Variants in PCDH1 observed in about 807,000 individuals in gnomAD.
PCDH1 encodes protocadherin 1.
A neutral mutation model predicts 74.6 loss-of-function variants in PCDH1; 23 were observed. The ratio of observed to expected loss-of-function variants is 0.31; its 90% confidence interval spans 0.22 to 0.44. PCDH1 has a LOEUF of 0.44. PCDH1 is among the 20% of genes least tolerant of loss of function. PCDH1 has a pLI of 1.00. For synonymous variants in PCDH1, 647 were observed against 686.1 expected, an observed-to-expected ratio of 0.94 and a Z score of 0.89; for missense variants, 1,214 against 1,641.4, an observed-to-expected ratio of 0.74 and a Z score of 4.50.
chr5:141,856,251 G>C, intron 4 of PCDH1: 3 of 1,535,658 alleles, frequency 2.0e-6, no homozygotes, highest in Non-Finnish European at 2.6e-6. Flanking sequence ...GGCCTGCTCC[G>C]GCCAGCCGGC....
At chr5:141,873,293 ATTTTTTT>A (rs548141067) in intron 1 of PCDH1, among the ~76,000 whole-genome samples, 2 of 123,528 alleles carry the variant, frequency 1.6e-5, no homozygotes, top group East Asian at 4.9e-4. Flanking sequence ...GCCCGGCTAA[ATTTTTTT>A]TTTTTTTTTT....
In PCDH1 at chr5:141,878,362, C is replaced by G. The variant is rs1753297089; in HGVS notation, c.-100G>C. 1.1e-6 allele frequency: 1 copy of G among 935,556 alleles called. No individual in the cohort carries two copies. Among genetic ancestry groups the G allele is most frequent in the South Asian group, 5.1e-5 (1 of 19,542 alleles). The allele number at this position is 935,556 out of a possible 1,614,324, so 58.0% of individuals were successfully genotyped here. A position where few individuals can be genotyped will look rare whatever the true frequency, so the allele number is the denominator to read the frequency against. ...CGGCTCCGGCTGGCTCTGGGCGCAGCAGCCCGGCGGCTTTGCGTCCGCGCC... is the reference window on the plus strand; with the variant it reads ...CGGCTCCGGCTGGCTCTGGGCGCAGGAGCCCGGCGGCTTTGCGTCCGCGCC... On this transcript the variant is annotated 5_prime_UTR_variant, in exon 1 of 5. Transcript: ENST00000287008. This position sits in a 1 kb window ranked among gnomAD's most constrained non-coding sequence, Gnocchi z 5.5.
chr5:141,878,097 C>A lies in PCDH1; in HGVS notation c.40+126G>T. 1.2e-6 allele frequency: 1 copy of A among 855,414 alleles called. No homozygotes were observed. Among genetic ancestry groups the A allele is most frequent in the Non-Finnish European group, 1.6e-6 (1 of 619,206 alleles). The allele number at this position is 855,414 out of a possible 1,614,324, so 53.0% of individuals were successfully genotyped here. Reference sequence around the variant, plus strand: ...TCCCAGCAGCCCCCACCTCAGCCCCCTCGCGCCGAGCTCGTGTTGGGCCCC... The same window carrying A: ...TCCCAGCAGCCCCCACCTCAGCCCCATCGCGCCGAGCTCGTGTTGGGCCCC... On this transcript the variant is annotated intron_variant, in intron 1 of 4. Transcript: ENST00000287008. This position sits in a 1 kb window ranked among gnomAD's most constrained non-coding sequence, Gnocchi z 5.5.
In PCDH1 at chr5:141,878,122, C is replaced by A. The variant is rs1753287404; in HGVS notation, c.40+101G>T. On this transcript the variant is annotated intron_variant, in intron 1 of 4. Transcript: ENST00000287008. This position sits in a 1 kb window ranked among gnomAD's most constrained non-coding sequence, Gnocchi z 5.5. ...CTCGCGCCGAGCTCGTGTTGGGCCCCCGCGGCCTCGCTCCGCCGAGCGCCC... is the reference window on the plus strand; with the variant it reads ...CTCGCGCCGAGCTCGTGTTGGGCCCACGCGGCCTCGCTCCGCCGAGCGCCC... 3 of 1,153,594 alleles carry A rather than the reference C, an allele frequency of 2.6e-6. No individual in the cohort carries two copies. The East Asian group carries it at 1.0e-4, about 39-fold the overall frequency. 71.5% of individuals were successfully genotyped at this position (1,153,594 alleles called of 1,614,324 possible).
In PCDH1 at chr5:141,869,282, C is replaced by T. The variant is rs1358907117; in HGVS notation, c.190G>A (p.Val64Met). 2 of 1,608,618 alleles carry T rather than the reference C, an allele frequency of 1.2e-6. No homozygotes were observed. The highest frequency in any genetic ancestry group is 1.7e-6 in the Non-Finnish European group (2 of 1,177,750). ...PGHATRVVYK[V>M]PEEQPPNTLI... ...GTGTTGGGTGGCTGTTCCTCCGGCA[C>T]CTTGTACACTACCCGAGTGGCGTGG... The change falls in exon 2 of 5, where the codon GTG becomes ATG. Residue 64 changes from valine (V) to methionine (M), a missense_variant. Val to Met is a conservative substitution (Grantham distance 21). Transcript: ENST00000287008. This position sits in a 1 kb window ranked among gnomAD's most constrained non-coding sequence, Gnocchi z 4.9.
Position 141,878,352 on chromosome 5 carries a change from C to T in PCDH1, c.-90G>A. 5 of 1,007,708 alleles carry T rather than the reference C, an allele frequency of 5.0e-6. No individual in the cohort carries two copies. Among genetic ancestry groups the T allele is most frequent in the Non-Finnish European group, 6.2e-6 (5 of 801,320 alleles). The allele number at this position is 1,007,708 out of a possible 1,614,324, so 62.4% of individuals were successfully genotyped here. ...GCTCCGGCTCCGGCTCCGGCTGGCT[C>T]TGGGCGCAGCAGCCCGGCGGCTTTG... On this transcript the variant is annotated 5_prime_UTR_variant, in exon 1 of 5. Coordinates refer to ENST00000287008, the MANE Select transcript of PCDH1 (RefSeq NM_032420.5). This position sits in a 1 kb window ranked among gnomAD's most constrained non-coding sequence, Gnocchi z 5.5.
At chr5:141,872,963 G>C (rs1244180220) in intron 1 of PCDH1, among the ~76,000 whole-genome samples, 1 of 152,286 alleles carries the variant, frequency 6.6e-6, no homozygotes, top group South Asian at 2.1e-4. Flanking sequence ...CAAGCATCTG[G>C]AGAGTTTCTT....
At position 141,854,071 on chromosome 5, in the gene PCDH1, G is replaced by A; in HGVS notation, c.3685C>T (p.Gln1229Ter). ...AGGTAGATCTCGCGCTTGGCCGTCTGGGCAGATGCCGGTGTGGCTGCGGGT... is the reference window on the plus strand; with the variant it reads ...AGGTAGATCTCGCGCTTGGCCGTCTAGGCAGATGCCGGTGTGGCTGCGGGT... ...FPPAATPASA[Q>*]TAKREIYL is the part of the protein sequence containing the mutation. Residue 1229 changes from glutamine (Q) to a stop codon, truncating the protein, a stop_gained, in exon 5 of 5, where the codon CAG (glutamine) becomes TAG (stop). Transcript: ENST00000287008. LOFTEE classifies it high-confidence loss of function. 1 of 1,526,642 alleles carries A rather than the reference G, an allele frequency of 6.6e-7. No individual in the cohort carries two copies. The allele number at this position is 1,526,642 out of a possible 1,614,324, so 94.6% of individuals were successfully genotyped here. A position where few individuals can be genotyped will look rare whatever the true frequency, so the allele number is the denominator to read the frequency against.
Position 141,863,088 on chromosome 5 carries a change from A to AC in PCDH1, c.3099+143dup. ...GTGCCCGGTGAGGCACTAAGGCCCC[A>AC]CCTCCCACTGCTGGCTCAGGCTGGC... On this transcript the variant is annotated intron_variant, in intron 3 of 4. Coordinates refer to ENST00000287008, the MANE Select transcript of PCDH1 (RefSeq NM_032420.5). This position sits in a 1 kb window ranked among gnomAD's most constrained non-coding sequence, Gnocchi z 7.5. 1 of 1,390,622 alleles carries AC rather than the reference A, an allele frequency of 7.2e-7. No individual in the cohort carries two copies. Among genetic ancestry groups the AC allele is most frequent in the Non-Finnish European group, 9.4e-7 (1 of 1,068,038 alleles). The allele number at this position is 1,390,622 out of a possible 1,614,324, so 86.1% of individuals were successfully genotyped here. A position where few individuals can be genotyped will look rare whatever the true frequency, so the allele number is the denominator to read the frequency against.
In PCDH1 at chr5:141,863,488, T is replaced by A. The variant is rs1204174688; in HGVS notation, c.2843A>T (p.Asp948Val). ...GAGGGGCAGGTGGATGCGGGGACTG[T>A]CCCCAGGGGCATCGCTCATCAGGTT... The part of the protein sequence containing the change: ...KFNLMSDAPG[D>V]SPRIHLPLNY... Residue 948 changes from aspartate to valine, a missense_variant, in exon 3 of 5, where the codon GAC becomes GTC. Asp to Val is a radical substitution (Grantham distance 152). Around this residue, in one of 4 missense-constraint regions of PCDH1, gnomAD observed 836 missense variants for 1,182.2 expected, o/e 0.71. Coordinates refer to ENST00000287008, the MANE Select transcript of PCDH1 (RefSeq NM_032420.5). This position sits in a 1 kb window ranked among gnomAD's most constrained non-coding sequence, Gnocchi z 7.5. 1.9e-6 allele frequency: 3 copies of A among 1,608,418 alleles called. No individual in the cohort carries two copies. The highest frequency in any genetic ancestry group is 2.5e-6 in the Non-Finnish European group (3 of 1,177,304).
At chr5:141,870,654 C>A (rs1753070184) in intron 1 of PCDH1, among the ~76,000 whole-genome samples, 1 of 152,174 alleles carries the variant, frequency 6.6e-6, no homozygotes, top group Non-Finnish European at 1.5e-5. Context: ...TAGTCAACCA[C>A]AAGCTGTACC....
At chr5:141,876,114 A>AGT (rs145547005) in intron 1 of PCDH1, among the ~76,000 whole-genome samples, 16 of 151,240 alleles carry the variant, frequency 1.1e-4, no homozygotes, top group East Asian at 3.9e-4. Flanking sequence ...GAGGACGCCG[A>AGT]GTGTGTGTGT....
At chr5:141,857,860 G>T (rs1400665562) in intron 3 of PCDH1, among the ~76,000 whole-genome samples, 1 of 152,100 alleles carries the variant, frequency 6.6e-6, no homozygotes, top group Non-Finnish European at 1.5e-5. Context: ...CCTGTAATAC[G>T]GTGTAGAGCC....
At chr5:141,872,863 G>A (rs1753127423) in intron 1 of PCDH1, among the ~76,000 whole-genome samples, 1 of 152,200 alleles carries the variant, frequency 6.6e-6, no homozygotes, top group African/African-American at 2.4e-5. Flanking sequence ...CTGGGGAAAG[G>A]TCCCAGAAAG....
chr5:141,870,222 A>G (rs1406164602), intron 1 of PCDH1, among the ~76,000 whole-genome samples: 1 of 152,192 alleles, frequency 6.6e-6, no homozygotes, highest in African/African-American at 2.4e-5. Context: ...CCCCCAACAC[A>G]TATGCCCCAG....
chr5:141,869,342 G>T lies in PCDH1; in HGVS notation c.130C>A (p.Leu44Ile). The stretch of plus-strand genomic sequence containing the variant: ...GGAGCCAGCAGGAGCAGCAGTGCTA[G>T]CAGCATGGAGGGCAGCAGTAGCCGT... ...GQRLLLPSML[L>I]ALLLLLAPSP... Residue 44 changes from leucine to isoleucine, a missense_variant, in exon 2 of 5, where the codon CTA (leucine) becomes ATA (isoleucine). Leu to Ile is a conservative substitution (Grantham distance 5). Coordinates refer to ENST00000287008, the MANE Select transcript of PCDH1 (RefSeq NM_032420.5). The surrounding 1 kb of genome is among the most constrained non-coding windows in gnomAD (Gnocchi z 4.9). 6.3e-7 allele frequency: 1 copy of T among 1,597,852 alleles called. No homozygotes were observed. The highest frequency in any genetic ancestry group is 8.5e-7 in the Non-Finnish European group (1 of 1,173,820).
chr5:141,861,254 C>G (rs1752553361), intron 3 of PCDH1, among the ~76,000 whole-genome samples: 1 of 151,662 alleles, frequency 6.6e-6, no homozygotes, highest in Admixed American at 6.6e-5. Flanking sequence ...ACTTGTCTGT[C>G]TTGTACAAGT....
intron 4 of PCDH1, 108 bp from the exon 5 acceptor site, chr5:141,854,544 C>T (rs1469744507): frequency 6.8e-6 from 8 of 1,169,322 alleles, no homozygotes; most frequent in Admixed American, 2.8e-5. Flanking sequence ...CAGGAGTATG[C>T]GCCCCTTCCT....
rs758936957 is a variant in PCDH1 at position 141,863,061 on chromosome 5, G to A, written c.3099+171C>T. ...CCTTAATCTTCACTCAGCCTAATCC[G>A]TGTGCCCGGTGAGGCACTAAGGCCC... On this transcript the variant is annotated intron_variant, in intron 3 of 4. Coordinates refer to ENST00000287008, the MANE Select transcript of PCDH1 (RefSeq NM_032420.5). The surrounding 1 kb of genome is among the most constrained non-coding windows in gnomAD (Gnocchi z 7.5). 252 of 1,357,138 alleles carry A rather than the reference G, an allele frequency of 1.9e-4. No individual in the cohort carries two copies. Among genetic ancestry groups the A allele is most frequent in the Non-Finnish European group, 1.7e-4 (178 of 1,051,540 alleles). The allele number at this position is 1,357,138 out of a possible 1,614,324, so 84.1% of individuals were successfully genotyped here.
Sources: allele counts gnomAD v4.1 joint callset (sites outside exome capture counted in the v4.1 genomes callset), GRCh38; gene constraint gnomAD v4.1.1; regional missense constraint gnomAD v4.1.1; non-coding constraint Gnocchi (gnomAD v3.1); transcripts MANE v1.5; gene names NCBI Gene and HGNC (gene_info 2026-07-23, HGNC 2026-07-21).